The following PAK5 variants were observed in gnomAD, a reference collection of about 807,000 sequenced individuals.
The protein encoded by PAK5 is serine/threonine-protein kinase PAK 5.
Under a neutral mutation model 65.9 loss-of-function variants are expected in PAK5, and 16 were observed. The ratio of observed to expected loss-of-function variants is 0.24; its 90% confidence interval spans 0.16 to 0.37. The LOEUF (loss-of-function observed/expected upper bound fraction) is 0.37, where lower values mean the gene tolerates loss of function less well. PAK5 is among the 10% of genes least tolerant of loss of function. The pLI, the probability that PAK5 is intolerant of heterozygous loss-of-function variation, is 1.00. For missense variants in PAK5, 785 were observed against 903.9 expected (o/e 0.87, Z 1.69); for synonymous variants, 371 against 354.9 (o/e 1.05, Z -0.51).
At chr20:9,575,091 T>C (rs1326097223) in intron 4 of PAK5, among the ~76,000 whole-genome samples, 1 of 152,196 alleles carries the variant, frequency 6.6e-6, no homozygotes, top group Non-Finnish European at 1.5e-5. Flanking sequence ...GCTTTTTCCT[T>C]CCAGGGAAAG....
intron 2 of PAK5, among the ~76,000 whole-genome samples, chr20:9,656,653 G>A (rs2047272120): frequency 6.6e-6 from 1 of 152,102 alleles, no homozygotes; most frequent in Non-Finnish European, 1.5e-5. Context: ...ACTTAATGGG[G>A]CAAATTACTT....
At chr20:9,598,595 A>T (rs1201709052) in intron 3 of PAK5, among the ~76,000 whole-genome samples, 1 of 152,120 alleles carries the variant, frequency 6.6e-6, no homozygotes, top group Non-Finnish European at 1.5e-5. Context: ...AATCATTCCT[A>T]TTTCTCCACA....
At chr20:9,799,651 C>T (rs1003187300) in intron 1 of PAK5, among the ~76,000 whole-genome samples, 1 of 151,854 alleles carries the variant, frequency 6.6e-6, no homozygotes, top group Non-Finnish European at 1.5e-5. Flanking sequence ...CTTTCTGCAG[C>T]CACTGAACAT....
chr20:9,544,315 G>C, intron 8 of PAK5, 54 bp downstream of exon 8: 1 of 1,580,404 alleles, frequency 6.3e-7, no homozygotes, highest in Non-Finnish European at 8.6e-7. Context: ...CAGAACCAAT[G>C]GGTCCCTGAG....
At chr20:9,666,155 C>T (rs2047414305) in intron 2 of PAK5, among the ~76,000 whole-genome samples, 1 of 151,972 alleles carries the variant, frequency 6.6e-6, no homozygotes. Context: ...CTCAGAATAA[C>T]AGAAATGAGA....
Position 9,569,268 on chromosome 20 carries a change from G to A in PAK5, c.991-2884C>T, listed in dbSNP as rs572308257. On this transcript the variant is annotated intron_variant, in intron 4 of 9. Coordinates refer to ENST00000353224, the MANE Select transcript of PAK5 (RefSeq NM_177990.4). ...TTAAGAGTTCTTTTAGCCATGTAAA[G>A]TTTGGGAGAGTGATTAGACATCCAT... Among the ~76,000 whole-genome samples the A allele has an allele frequency of 9.8e-5, 15 of 152,352 alleles. 1 individual carries two copies. In the South Asian group the frequency reaches 2.9e-3, roughly 29 times the overall value.
At chr20:9,630,867 C>A (rs2046912255) in intron 3 of PAK5, among the ~76,000 whole-genome samples, 1 of 152,282 alleles carries the variant, frequency 6.6e-6, no homozygotes, top group East Asian at 1.9e-4. Flanking sequence ...ACCCTGCCCC[C>A]ATTTTGAATC....
chr20:9,774,989 C>A (rs1354837098), intron 1 of PAK5, among the ~76,000 whole-genome samples: 1 of 152,018 alleles, frequency 6.6e-6, no homozygotes, highest in East Asian at 1.9e-4. Flanking sequence ...AAAAACTACT[C>A]ACATACAACA....
intron 1 of PAK5, among the ~76,000 whole-genome samples, chr20:9,767,856 G>A (rs1406181293): frequency 6.6e-6 from 1 of 152,096 alleles, no homozygotes; most frequent in Non-Finnish European, 1.5e-5. Context: ...ATCAACCTAG[G>A]TGCCCATCAA....
At position 9,804,823 on chromosome 20, in the gene PAK5, A is replaced by AG. The variant is rs1264621735; in HGVS notation, c.-162+33938dup. Among the ~76,000 whole-genome samples, 4 of 152,240 alleles carry AG rather than the reference A, an allele frequency of 2.6e-5. No individual in the cohort carries two copies. In the East Asian group the frequency reaches 7.7e-4, roughly 29 times the overall value. ...CAGCACTTTGGGAGGCTGAGGTGGA[A>AG]GGATTGCTTGAGGCCAGGAGTTTAG... On this transcript the variant is annotated intron_variant, in intron 1 of 9. Coordinates refer to ENST00000353224, the MANE Select transcript of PAK5 (RefSeq NM_177990.4).
chr20:9,600,738 C>T (rs1327251686), intron 3 of PAK5, among the ~76,000 whole-genome samples: 1 of 152,228 alleles, frequency 6.6e-6, no homozygotes, highest in Admixed American at 6.5e-5. Context: ...CTGCTGTCCT[C>T]ACATTTCCCT....
intron 1 of PAK5, among the ~76,000 whole-genome samples, chr20:9,711,902 G>A (rs560011448): frequency 6.6e-6 from 1 of 152,188 alleles, no homozygotes; most frequent in South Asian, 2.1e-4. Flanking sequence ...AGAAATAGAG[G>A]GTTAGGTTTC....
intron 1 of PAK5, among the ~76,000 whole-genome samples, chr20:9,732,064 T>C (rs2048340123): frequency 6.6e-6 from 1 of 152,150 alleles, no homozygotes; most frequent in African/African-American, 2.4e-5. Context: ...CTCATTTAAA[T>C]GATCTATAGA....
chr20:9,565,771 C>G, intron 5 of PAK5, 122 bp downstream of exon 5: 1 of 977,020 alleles, frequency 1.0e-6, no homozygotes, highest in African/African-American at 1.6e-5. Flanking sequence ...ACAGGGGACG[C>G]TATTTTTGTC....
chr20:9,687,765 T>C (rs1486026633), intron 2 of PAK5, among the ~76,000 whole-genome samples: 2 of 152,154 alleles, frequency 1.3e-5, no homozygotes, highest in Non-Finnish European at 2.9e-5. Context: ...CACACATAGA[T>C]GCACAGAATA....
At chr20:9,680,728 GCTAAGGAGTC>G (rs2047638513) in intron 2 of PAK5, among the ~76,000 whole-genome samples, 1 of 152,190 alleles carries the variant, frequency 6.6e-6, no homozygotes, top group African/African-American at 2.4e-5. Flanking sequence ...AATGTTAAAT[GCTAAGGAGTC>G]CTAACTGGGT....
intron 3 of PAK5, among the ~76,000 whole-genome samples, chr20:9,637,052 G>A (rs2046990581): frequency 6.6e-6 from 1 of 152,320 alleles, no homozygotes; most frequent in South Asian, 2.1e-4. Flanking sequence ...CCAGGCTGGA[G>A]TGCAGTGGTT....
At chr20:9,808,046 G>C (rs1406695536) in intron 1 of PAK5, among the ~76,000 whole-genome samples, 1 of 152,128 alleles carries the variant, frequency 6.6e-6, no homozygotes, top group Non-Finnish European at 1.5e-5. Context: ...AACGGACAAA[G>C]AGACAAGACA....
At chr20:9,815,862 A>G (rs964015656) in intron 1 of PAK5, among the ~76,000 whole-genome samples, 2 of 152,058 alleles carry the variant, frequency 1.3e-5, no homozygotes, top group Admixed American at 1.3e-4. Context: ...ACTCAAACCA[A>G]CCAGCCCCTT....
Sources: allele counts gnomAD v4.1 joint callset (sites outside exome capture counted in the v4.1 genomes callset), GRCh38; gene constraint gnomAD v4.1.1; transcripts MANE v1.5; gene names NCBI Gene and HGNC (gene_info 2026-07-23, HGNC 2026-07-21).